The following GRM7 variants were observed in gnomAD, a reference collection of about 807,000 sequenced individuals.
GRM7 encodes the protein metabotropic glutamate receptor 7.
GRM7 carries 35 observed loss-of-function variants against 84.5 expected under a neutral mutation model. The observed-to-expected ratio is 0.41, with a 90% CI of 0.32 to 0.55. The LOEUF (loss-of-function observed/expected upper bound fraction) is 0.55, where lower values mean the gene tolerates loss of function less well. GRM7 is among the 20% of genes least tolerant of loss of function. The pLI, the probability that GRM7 is intolerant of heterozygous loss-of-function variation, is 0.19. For missense variants in GRM7, 1,003 were observed against 1,194.6 expected (o/e 0.84, Z 2.36); for synonymous variants, 487 against 455.1 (o/e 1.07, Z -0.89).
At chr3:7,691,350 G>A (rs745384002) in intron 9 of GRM7, 4 of 899,562 alleles carry the variant, frequency 4.4e-6, no homozygotes, top group Non-Finnish European at 6.1e-6. Context: ...TCCAAGTATT[G>A]GTTATAACCT....
intron 1 of GRM7, among the ~76,000 whole-genome samples, chr3:7,081,925 G>A (rs568031087): frequency 2.0e-5 from 3 of 152,156 alleles, no homozygotes; most frequent in Non-Finnish European, 2.9e-5. Context: ...GAGAGCTACC[G>A]AAGGAAAGTT....
intron 1 of GRM7, among the ~76,000 whole-genome samples, chr3:6,888,316 A>T (rs182475130): frequency 6.6e-6 from 1 of 152,088 alleles, no homozygotes; most frequent in Non-Finnish European, 1.5e-5. Flanking sequence ...CATGCCTATG[A>T]CCTGAATGGT....
intron 2 of GRM7, among the ~76,000 whole-genome samples, chr3:7,248,416 G>A (rs1375080532): frequency 1.3e-5 from 2 of 152,124 alleles, no homozygotes; most frequent in Non-Finnish European, 2.9e-5. Context: ...AGCAGCTGAA[G>A]CTAATATGTA....
At chr3:7,654,806 C>T (rs760638788) in intron 8 of GRM7, among the ~76,000 whole-genome samples, 50 of 152,306 alleles carry the variant, frequency 3.3e-4, no homozygotes, top group African/African-American at 7.7e-4. Flanking sequence ...TTTGTTCTTA[C>T]GAAATACTAT....
chr3:7,378,899 C>G (rs552156652), intron 4 of GRM7, among the ~76,000 whole-genome samples: 2 of 152,204 alleles, frequency 1.3e-5, no homozygotes, highest in East Asian at 3.9e-4. Context: ...GTCAGCTTCT[C>G]CAAGAATCAA....
At chr3:7,031,577 C>T (rs1366030910) in intron 1 of GRM7, among the ~76,000 whole-genome samples, 10 of 151,874 alleles carry the variant, frequency 6.6e-5, no homozygotes, top group African/African-American at 2.4e-4. Context: ...CCACCACGCC[C>T]AGCTAATTTT....
At chr3:7,596,192 A>G (rs940918215) in intron 8 of GRM7, among the ~76,000 whole-genome samples, 2 of 152,180 alleles carry the variant, frequency 1.3e-5, no homozygotes, top group Non-Finnish European at 2.9e-5. Flanking sequence ...GACAAATCCA[A>G]ATGACTCCAC....
At chr3:7,013,055 A>C (rs1463181627) in intron 1 of GRM7, among the ~76,000 whole-genome samples, 2 of 151,776 alleles carry the variant, frequency 1.3e-5, no homozygotes, top group East Asian at 3.9e-4. Context: ...GACAACCCCC[A>C]GTTTTTTACC....
intron 4 of GRM7, among the ~76,000 whole-genome samples, chr3:7,333,693 C>A: frequency 9.0e-6 from 1 of 110,694 alleles, no homozygotes; most frequent in African/African-American, 4.7e-5. Context: ...AGTTGAAAAC[C>A]AACATAAAGA....
chr3:7,228,293 G>A (rs779473628), intron 2 of GRM7, among the ~76,000 whole-genome samples: 11 of 152,128 alleles, frequency 7.2e-5, no homozygotes, highest in Non-Finnish European at 4.4e-5. Context: ...TAAGGTAAAC[G>A]GCCGTTTATT....
At position 7,612,033 on chromosome 3, in the gene GRM7, T is replaced by C. The variant is rs140918483; in HGVS notation, c.2451+32676T>C. Among the ~76,000 whole-genome samples the C allele has an allele frequency of 8.5e-3, 1,292 of 152,294 alleles. 20 individuals are homozygous for C. Among genetic ancestry groups the C allele is most frequent in the African/African-American group, 0.028 (1,164 of 41,562 alleles). On this transcript the variant is annotated intron_variant, in intron 8 of 9. Transcript: ENST00000357716. ...CCTTGAGGTCCTTTAACCTCTCAGA[T>C]TTCTCCTGTATCTCTATGGTTTTAC... is the stretch of plus-strand genomic sequence containing the variant.
rs553902817 is a variant in GRM7 at position 7,643,307 on chromosome 3, G to A, written c.2452-36742G>A. Reference sequence around the variant, plus strand: ...CAACTTCAGTATTCACAAGGGCTACGCAGGGAGCCCAATGAAAAACAAACA... The same window carrying A: ...CAACTTCAGTATTCACAAGGGCTACACAGGGAGCCCAATGAAAAACAAACA... On this transcript the variant is annotated intron_variant, in intron 8 of 9. Coordinates refer to ENST00000357716, the MANE Select transcript of GRM7 (RefSeq NM_000844.4). Among the ~76,000 whole-genome samples, 255 of 139,614 alleles carry A rather than the reference G, an allele frequency of 1.8e-3. 3 individuals carry two copies. The South Asian group carries it at 0.048, about 26-fold the overall frequency. The allele number at this position is 139,614 out of a possible 152,430, so 91.6% of individuals were successfully genotyped here. A position where few individuals can be genotyped will look rare whatever the true frequency, so the allele number is the denominator to read the frequency against.
rs537839772 is a variant in GRM7, at chr3:7,678,647, A to T, written c.2452-1402A>T. Among the ~76,000 whole-genome samples, 137 of 152,360 alleles carry T rather than the reference A, an allele frequency of 9.0e-4. 1 individual carries two copies. In the South Asian group the frequency reaches 0.027, roughly 30 times the overall value. ...ACATTGTTTTGTCTTTCTATGTTACATTCATTATGTATTATAGTCAGCAGC... is the reference window on the plus strand; with the variant it reads ...ACATTGTTTTGTCTTTCTATGTTACTTTCATTATGTATTATAGTCAGCAGC... On this transcript the variant is annotated intron_variant, in intron 8 of 9. Coordinates refer to ENST00000357716, the MANE Select transcript of GRM7 (RefSeq NM_000844.4).
chr3:7,532,608 GTCTC>G (rs1480698784), intron 7 of GRM7, among the ~76,000 whole-genome samples: 1 of 151,766 alleles, frequency 6.6e-6, no homozygotes, highest in East Asian at 1.9e-4. Flanking sequence ...GGATTTTTGT[GTCTC>G]TATCTCCTTC....
chr3:7,441,022 T>C (rs1482521645), intron 5 of GRM7, among the ~76,000 whole-genome samples: 11 of 152,186 alleles, frequency 7.2e-5, no homozygotes, highest in Admixed American at 7.2e-4. Flanking sequence ...GGTAATGGGA[T>C]TGTTTGGTCA....
intron 7 of GRM7, among the ~76,000 whole-genome samples, chr3:7,516,252 C>T (rs951407591): frequency 6.7e-6 from 1 of 149,168 alleles, no homozygotes; most frequent in African/African-American, 2.5e-5. Context: ...CCGAGGCGGG[C>T]AGATCATAAG....
rs78253189 is a variant in GRM7 at position 7,709,109 on chromosome 3, A to G, written c.2698+28814A>G. On this transcript the variant is annotated intron_variant, in intron 9 of 9. Transcript: ENST00000357716. ...ATCTCAACTTTTTTGTGGTTGTCCT[A>G]TTTCACTTATTGAACCCATCTTCAG... Among the ~76,000 whole-genome samples, 922 of 152,130 alleles carry G rather than the reference A, an allele frequency of 6.1e-3. 10 individuals are homozygous for G. Among genetic ancestry groups the G allele is most frequent in the Middle Eastern group, 0.02 (6 of 294 alleles).
At chr3:7,512,586 ATT>A (rs55868423) in intron 7 of GRM7, among the ~76,000 whole-genome samples, 45,773 of 145,154 alleles carry the variant, frequency 0.32, 7,787 homozygotes, top group Middle Eastern at 0.42. Flanking sequence ...TTTGTTTTAG[ATT>A]TTTTTTTTTT....
chr3:7,686,169 C>T (rs753258162), intron 9 of GRM7, among the ~76,000 whole-genome samples: 28 of 152,130 alleles, frequency 1.8e-4, no homozygotes, highest in Non-Finnish European at 3.4e-4. Context: ...CACCAGTACT[C>T]CCATGTTCAG....
Sources: gnomAD v4.1 joint callset for allele counts (sites outside exome capture counted in the v4.1 genomes callset) on GRCh38, gnomAD v4.1.1 for gene constraint, MANE v1.5 for transcripts, NCBI Gene and HGNC (gene_info 2026-07-23, HGNC 2026-07-21) for gene names.